The following IL16 variants were observed in gnomAD, a reference collection of about 807,000 sequenced individuals.
The protein encoded by IL16 is pro-interleukin-16.
A neutral mutation model predicts 110.1 loss-of-function variants in IL16; 67 were observed. That is an observed-to-expected ratio of 0.61 (90% CI 0.50 to 0.75). The LOEUF is 0.75. IL16 is among the 30% of genes least tolerant of loss of function. The probability of loss-of-function intolerance (pLI) is 0.00; values close to 1 mark genes in which losing one functional copy is unlikely to be tolerated. For synonymous variants in IL16, 689 were observed against 662.9 expected, an observed-to-expected ratio of 1.04 and a Z score of -0.61; for missense variants, 1,545 against 1,655.0, an observed-to-expected ratio of 0.93 and a Z score of 1.15.
At chr15:81,258,843 G>A (rs1286181450) in intron 2 of IL16, among the ~76,000 whole-genome samples, 1 of 152,088 alleles carries the variant, frequency 6.6e-6, no homozygotes, top group Non-Finnish European at 1.5e-5. Context: ...ATGGTAGTGA[G>A]TAATAAAACC....
chr15:81,212,457 T>A (rs1487811085), intron 1 of IL16, among the ~76,000 whole-genome samples: 2 of 152,010 alleles, frequency 1.3e-5, no homozygotes, highest in East Asian at 1.9e-4. Flanking sequence ...TTTTTAAAAA[T>A]TTTTAAAAAT....
chr15:81,271,873 G>A (rs1898657739), intron 5 of IL16, among the ~76,000 whole-genome samples: 1 of 152,206 alleles, frequency 6.6e-6, no homozygotes, highest in Non-Finnish European at 1.5e-5. Flanking sequence ...TCAAGAAGAT[G>A]GAGGACAGCG....
intron 9 of IL16, 123 bp downstream of exon 9, chr15:81,282,879 C>A: frequency 1.2e-6 from 1 of 802,526 alleles, no homozygotes; most frequent in Non-Finnish European, 2.1e-6. Context: ...TGGAGATCAG[C>A]CGCTCCGCCC....
chr15:81,263,396 C>T (rs1267132240), intron 3 of IL16, among the ~76,000 whole-genome samples: 3 of 135,090 alleles, frequency 2.2e-5, no homozygotes, highest in Non-Finnish European at 3.1e-5. Flanking sequence ...AACCAGCTTT[C>T]AGTTAACTCA....
intron 6 of IL16, 62 bp from the exon 7 acceptor site, chr15:81,278,755 T>C: frequency 9.3e-7 from 1 of 1,074,660 alleles, no homozygotes; most frequent in Non-Finnish European, 1.5e-6. Flanking sequence ...GAGTTAAAGG[T>C]AATGATAATG....
intron 1 of IL16, among the ~76,000 whole-genome samples, chr15:81,206,576 A>T (rs747813650): frequency 1.3e-5 from 2 of 152,218 alleles, no homozygotes; most frequent in Admixed American, 1.3e-4. Flanking sequence ...TGGCTAACAG[A>T]GTAAACCTCA....
At chr15:81,253,749 T>C (rs144397594) in intron 2 of IL16, among the ~76,000 whole-genome samples, 1 of 152,322 alleles carries the variant, frequency 6.6e-6, no homozygotes, top group Non-Finnish European at 1.5e-5. Context: ...CCCTAGGGCA[T>C]TGTATTAATA....
intron 2 of IL16, among the ~76,000 whole-genome samples, chr15:81,254,859 T>G (rs942242695): frequency 6.6e-6 from 1 of 152,204 alleles, no homozygotes; most frequent in African/African-American, 2.4e-5. Flanking sequence ...TGTTCTTATG[T>G]AAGATGTTCT....
chr15:81,262,924 T>A (rs1051235648), intron 3 of IL16, among the ~76,000 whole-genome samples: 188 of 152,250 alleles, frequency 1.2e-3, no homozygotes, highest in African/African-American at 4.4e-3. Context: ...AGAGTGAAAC[T>A]CCATTTTAAA....
At chr15:81,289,787 T>C (rs1283663485) in intron 10 of IL16, 1 of 320,562 alleles carries the variant, frequency 3.1e-6, no homozygotes, top group Admixed American at 4.0e-5. Flanking sequence ...TTTTTGATTT[T>C]CACATAGTCC....
In IL16 at chr15:81,197,018, C is replaced by G. The variant is rs888324723; in HGVS notation, c.-236C>G. The G allele has an allele frequency of 8.6e-5, 111 of 1,287,004 alleles. No individual in the cohort carries two copies. The highest frequency in any genetic ancestry group is 9.7e-5 in the Non-Finnish European group (96 of 988,074). 79.7% of individuals were successfully genotyped at this position (1,287,004 alleles called of 1,614,324 possible). ...TGAGCGTCCATTTCTCAATCCTTGC[C>G]GGCTCTGACCCAGGCCTGGGCCACA... On this transcript the variant is annotated 5_prime_UTR_variant, in exon 1 of 19. Coordinates refer to ENST00000683961, the MANE Select transcript of IL16 (RefSeq NM_172217.5).
chr15:81,213,244 G>T (rs1896312674), intron 1 of IL16, among the ~76,000 whole-genome samples: 1 of 152,190 alleles, frequency 6.6e-6, no homozygotes, highest in Non-Finnish European at 1.5e-5. Context: ...ACTGTGGTTT[G>T]ATAATGTGCT....
intron 12 of IL16, 71 bp from the exon 13 acceptor site, chr15:81,296,857 A>C: frequency 3.6e-6 from 5 of 1,389,850 alleles, no homozygotes; most frequent in Non-Finnish European, 3.9e-6. Context: ...GTCCCAATCA[A>C]AGCGTGTCTC....
At chr15:81,298,206 C>G (rs1900087263) in intron 13 of IL16, among the ~76,000 whole-genome samples, 1 of 152,208 alleles carries the variant, frequency 6.6e-6, no homozygotes, top group Non-Finnish European at 1.5e-5. Flanking sequence ...CAAGGCCAGT[C>G]TCTTAGATTG....
At chr15:81,258,171 C>A (rs142499612) in intron 2 of IL16, among the ~76,000 whole-genome samples, 1 of 152,210 alleles carries the variant, frequency 6.6e-6, no homozygotes, top group African/African-American at 2.4e-5. Flanking sequence ...GTAATTAATA[C>A]CATCATCCTC....
At position 81,196,999 on chromosome 15, in the gene IL16, T is replaced by G; in HGVS notation, c.-255T>G. 7.8e-7 allele frequency: 1 copy of G among 1,284,238 alleles called. No individual in the cohort carries two copies. Among genetic ancestry groups the G allele is most frequent in the South Asian group, 1.2e-5 (1 of 80,268 alleles). The allele number at this position is 1,284,238 out of a possible 1,614,324, so 79.6% of individuals were successfully genotyped here. Reference sequence around the variant, plus strand: ...CCGGCCTCCGTCTGAGAACTGAGCGTCCATTTCTCAATCCTTGCCGGCTCT... The same window carrying G: ...CCGGCCTCCGTCTGAGAACTGAGCGGCCATTTCTCAATCCTTGCCGGCTCT... On this transcript the variant is annotated 5_prime_UTR_variant, in exon 1 of 19. Coordinates refer to ENST00000683961, the MANE Select transcript of IL16 (RefSeq NM_172217.5).
chr15:81,275,901 A>G (rs527638501), intron 6 of IL16, among the ~76,000 whole-genome samples: 147 of 152,348 alleles, frequency 9.6e-4, no homozygotes, highest in Non-Finnish European at 1.7e-3. Context: ...ATTGTGTAAG[A>G]TTTATTTGGC....
rs1227214182 is a variant in IL16, at chr15:81,300,213, C to T, written c.2887C>T (p.Arg963Ter). The stretch of plus-strand genomic sequence containing the variant: ...CCCAGTGCTCAAGATGCCTAGCCAG[C>T]GAGCACGGAGCTTCCCCCTGACCAG... Reference protein sequence around the residue: ...QGPVLKMPSQRARSFPLTRSQ... With the variant: ...QGPVLKMPSQ Residue 963 changes from arginine (R) to a stop codon, truncating the protein, a stop_gained, in exon 14 of 19, where the codon CGA becomes TGA. Coordinates refer to ENST00000683961, the MANE Select transcript of IL16 (RefSeq NM_172217.5). LOFTEE classifies it high-confidence loss of function. 3.7e-6 allele frequency: 6 copies of T among 1,614,088 alleles called. No homozygotes were observed. Among genetic ancestry groups the T allele is most frequent in the African/African-American group, 1.3e-5 (1 of 74,938 alleles).
At chr15:81,216,674 A>G (rs940120795) in intron 1 of IL16, among the ~76,000 whole-genome samples, 1 of 152,034 alleles carries the variant, frequency 6.6e-6, no homozygotes, top group Non-Finnish European at 1.5e-5. Context: ...CAGCAGCAGC[A>G]GGAGGAGGAA....
Sources: gnomAD v4.1 joint callset for allele counts (sites outside exome capture counted in the v4.1 genomes callset) on GRCh38, gnomAD v4.1.1 for gene constraint, MANE v1.5 for transcripts, NCBI Gene and HGNC (gene_info 2026-07-23, HGNC 2026-07-21) for gene names.